Variants in KDM2A observed in about 807,000 individuals in gnomAD.
KDM2A encodes the protein lysine-specific demethylase 2A.
KDM2A carries 3 observed loss-of-function variants against 137.3 expected under a neutral mutation model. The ratio of observed to expected loss-of-function variants is 0.02; its 90% CI spans 0.01 to 0.06. The LOEUF (loss-of-function observed/expected upper bound fraction) is 0.06, where lower values mean the gene tolerates loss of function less well. Among genes scored for constraint, KDM2A ranks in the 10% least tolerant of loss-of-function variants. The probability of loss-of-function intolerance (pLI) is 1.00; values close to 1 mark genes in which losing one functional copy is unlikely to be tolerated. For missense variants in KDM2A, 738 were observed against 1,510.6 expected (o/e 0.49, Z 8.48); for synonymous variants, 512 against 541.5 (o/e 0.95, Z 0.76).
intron 2 of KDM2A, among the ~76,000 whole-genome samples, chr11:67,148,159 C>A (rs974083544): frequency 1.3e-5 from 2 of 151,966 alleles, no homozygotes; most frequent in African/African-American, 4.8e-5. Flanking sequence ...GTGGCTCATA[C>A]ATGTGATCAC....
At chr11:67,129,753 AAAAG>A (rs1361156578) in intron 2 of KDM2A, among the ~76,000 whole-genome samples, 5 of 149,640 alleles carry the variant, frequency 3.3e-5, no homozygotes, top group South Asian at 2.1e-4. Context: ...AAAAAAAAGA[AAAAG>A]AAAAATAGCC....
chr11:67,237,056 A>C (rs1858892148), intron 12 of KDM2A, among the ~76,000 whole-genome samples: 1 of 152,348 alleles, frequency 6.6e-6, no homozygotes, highest in Admixed American at 6.5e-5. Context: ...GAGATGTTCC[A>C]GTCTTAATTC....
chr11:67,146,844 C>T (rs1254381239), intron 2 of KDM2A, among the ~76,000 whole-genome samples: 1 of 152,072 alleles, frequency 6.6e-6, no homozygotes, highest in African/African-American at 2.4e-5. Context: ...CCATGCTTTC[C>T]TCCCTCACTT....
chr11:67,125,567 T>G (rs1446543410), intron 2 of KDM2A, among the ~76,000 whole-genome samples: 2 of 149,502 alleles, frequency 1.3e-5, no homozygotes, highest in Non-Finnish European at 3.0e-5. Context: ...AGGTCAAGAG[T>G]TTGAGACCAG....
chr11:67,174,168 G>A (rs186256558), intron 2 of KDM2A, among the ~76,000 whole-genome samples: 4 of 152,324 alleles, frequency 2.6e-5, no homozygotes, highest in Non-Finnish European at 4.4e-5. Context: ...TGAGGCAGGA[G>A]AATTGCTTGA....
At position 67,250,321 on chromosome 11, in the gene KDM2A, G is replaced by A. The variant is rs772080094; in HGVS notation, c.2291G>A (p.Arg764Gln). 12 of 1,613,764 alleles carry A rather than the reference G, an allele frequency of 7.4e-6. No individual in the cohort carries two copies. Among genetic ancestry groups the A allele is most frequent in the Middle Eastern group, 1.6e-4 (1 of 6,084 alleles). Residue 764 changes from arginine to glutamine, a missense_variant, in exon 17 of 21, where the codon CGG becomes CAG. Coordinates refer to ENST00000529006, the MANE Select transcript of KDM2A (RefSeq NM_012308.3). This position sits in a 1 kb window ranked among gnomAD's most constrained non-coding sequence, Gnocchi z 7.1. ...CGCTTCAAACGGCGGCAGTTGCTGC[G>A]GCTGCAGGCCACAGAGCGCACCATG... ...DERFKRRQLL[R>Q]LQATERTMVR...
rs1013974604 is a variant in KDM2A at position 67,255,996 on chromosome 11, C to A, written c.*941C>A. 1 of 177,046 alleles carries A rather than the reference C, an allele frequency of 5.6e-6. No individual in the cohort carries two copies. The highest frequency in any genetic ancestry group is 1.2e-5 in the Non-Finnish European group (1 of 82,832). 11.0% of individuals were successfully genotyped at this position (177,046 alleles called of 1,614,324 possible). A position where few individuals can be genotyped will look rare whatever the true frequency, so the allele number is the denominator to read the frequency against. The stretch of plus-strand genomic sequence containing the variant: ...GGAGGCGGCAGAGGACTGGGCCAAG[C>A]CCCAACCTGCCTCCCAGCCAGGCTC... On this transcript the variant is annotated 3_prime_UTR_variant, in exon 21 of 21. Transcript: ENST00000529006.
intron 17 of KDM2A, among the ~76,000 whole-genome samples, chr11:67,251,173 T>C (rs1859413607): frequency 6.6e-6 from 1 of 152,218 alleles, no homozygotes; most frequent in African/African-American, 2.4e-5. Flanking sequence ...GATGTTCTAG[T>C]CACTCTTCTG....
chr11:67,158,121 A>G (rs563367575), intron 2 of KDM2A, among the ~76,000 whole-genome samples: 3 of 152,178 alleles, frequency 2.0e-5, no homozygotes, highest in South Asian at 2.1e-4. Flanking sequence ...TCTCCCCCAT[A>G]CACCAGCAAC....
Position 67,217,924 on chromosome 11 carries a change from T to C in KDM2A, c.841+40T>C, listed in dbSNP as rs773288530. ...AAGAGTGGGTTATTTAGCCATTTTT[T>C]TCCTTAATGAAAAAGAAATTGATGG... On this transcript the variant is annotated intron_variant, in intron 9 of 20. Transcript: ENST00000529006. 3 of 1,518,002 alleles carry C rather than the reference T, an allele frequency of 2.0e-6. No individual in the cohort carries two copies. The East Asian group carries it at 7.0e-5, about 35-fold the overall frequency. The allele number at this position is 1,518,002 out of a possible 1,614,324, so 94.0% of individuals were successfully genotyped here. A position where few individuals can be genotyped will look rare whatever the true frequency, so the allele number is the denominator to read the frequency against.
chr11:67,201,641 G>A (rs1173579109), intron 5 of KDM2A, among the ~76,000 whole-genome samples: 1 of 151,706 alleles, frequency 6.6e-6, no homozygotes, highest in Admixed American at 6.6e-5. Flanking sequence ...GGTGGCATGG[G>A]CCTGTAGTCC....
At chr11:67,195,706 T>A in intron 5 of KDM2A, 1 of 167,664 alleles carries the variant, frequency 6.0e-6, no homozygotes, top group South Asian at 1.6e-4. Flanking sequence ...TCAAGCAAAT[T>A]GCAGTTTTCT....
At chr11:67,127,469 CAAAAAAA>C (rs922499050) in intron 2 of KDM2A, among the ~76,000 whole-genome samples, 1 of 147,176 alleles carries the variant, frequency 6.8e-6, no homozygotes, top group African/African-American at 2.5e-5. Flanking sequence ...TTTCACCTAG[CAAAAAAA>C]AATAAAAAAT....
chr11:67,126,687 G>A (rs968053855), intron 2 of KDM2A, among the ~76,000 whole-genome samples: 2 of 144,670 alleles, frequency 1.4e-5, no homozygotes, highest in African/African-American at 5.2e-5. Context: ...CAGCCTGGGC[G>A]ACAGAGCGAG....
At chr11:67,126,832 G>A (rs1855743104) in intron 2 of KDM2A, among the ~76,000 whole-genome samples, 2 of 151,302 alleles carry the variant, frequency 1.3e-5, no homozygotes, top group Admixed American at 6.6e-5. Flanking sequence ...ACACTTTCTG[G>A]AACTTGGAAC....
In KDM2A at chr11:67,255,417, C is replaced by A. The variant is rs1412841503; in HGVS notation, c.*362C>A. The A allele has an allele frequency of 2.1e-6, 1 of 469,220 alleles. No homozygotes were observed. Among genetic ancestry groups the A allele is most frequent in the Non-Finnish European group, 4.2e-6 (1 of 235,632 alleles). The allele number at this position is 469,220 out of a possible 1,614,324, so 29.1% of individuals were successfully genotyped here. On this transcript the variant is annotated 3_prime_UTR_variant, in exon 21 of 21. Coordinates refer to ENST00000529006, the MANE Select transcript of KDM2A (RefSeq NM_012308.3). ...TGTGCCCCTCCTCCCCATCCATGGT[C>A]CCCAGCAGTGCCTGGTTCTGAGCAA...
chr11:67,244,594 C>T (rs1859148726), intron 13 of KDM2A, among the ~76,000 whole-genome samples: 1 of 152,136 alleles, frequency 6.6e-6, no homozygotes, highest in African/African-American at 2.4e-5. Context: ...AGGACAAGGG[C>T]TGGTAAATTT....
chr11:67,158,956 G>A (rs1856578715), intron 2 of KDM2A, among the ~76,000 whole-genome samples: 2 of 152,144 alleles, frequency 1.3e-5, no homozygotes. Flanking sequence ...ATTTCTCCCA[G>A]TGAGTGGCTT....
At position 67,243,017 on chromosome 11, in the gene KDM2A, G is replaced by A. The variant is rs749016930; in HGVS notation, c.1488G>A (p.Leu496=). ...DALIADVKIL[L]EELANSDPKL... is the part of the protein sequence containing the mutation. ...TTCCCTCCTACCCTTAGATTTTGCT[G>A]GAGGAGCTTGCCAACAGCGATCCCA... Residue 496 remains leucine, a synonymous_variant, in exon 13 of 21, where the codon CTG becomes CTA. Coordinates refer to ENST00000529006, the MANE Select transcript of KDM2A (RefSeq NM_012308.3). The A allele has an allele frequency of 6.2e-7, 1 of 1,613,570 alleles. No homozygotes were observed. Among genetic ancestry groups the A allele is most frequent in the East Asian group, 2.2e-5 (1 of 44,888 alleles).
Sources: gnomAD v4.1 joint callset for allele counts (sites outside exome capture counted in the v4.1 genomes callset) on GRCh38, gnomAD v4.1.1 for gene constraint, Gnocchi (gnomAD v3.1) non-coding constraint, MANE v1.5 for transcripts, NCBI Gene and HGNC (gene_info 2026-07-23, HGNC 2026-07-21) for gene names.